RAD51B: variants seen among roughly 807,000 people sequenced by gnomAD.
RAD51B encodes DNA repair protein RAD51 homolog 2.
Under a neutral mutation model 42.2 loss-of-function variants are expected in RAD51B, and 38 were observed. The ratio of observed to expected loss-of-function variants is 0.90; its 90% CI spans 0.70 to 1.18. RAD51B has a LOEUF of 1.18. RAD51B is among the 50% of genes most tolerant of loss of function. The pLI is 0.00. For missense variants in RAD51B, 373 were observed against 400.7 expected (o/e 0.93, Z 0.59); for synonymous variants, 154 against 145.2 (o/e 1.06, Z -0.43).
chr14:68,528,166 G>C (rs1484780594), intron 10 of RAD51B, among the ~76,000 whole-genome samples: 1 of 152,138 alleles, frequency 6.6e-6, no homozygotes, highest in Admixed American at 6.5e-5. Context: ...CCTGAATGGA[G>C]CATAATCCCT....
At chr14:67,900,096 G>T (rs1566948780) in intron 7 of RAD51B, among the ~76,000 whole-genome samples, 1 of 152,156 alleles carries the variant, frequency 6.6e-6, no homozygotes, top group African/African-American at 2.4e-5. Context: ...ATTGCTGCTT[G>T]TAAGTGTAAC....
chr14:68,476,046 A>G (rs1566905365), intron 10 of RAD51B, among the ~76,000 whole-genome samples: 2 of 46,974 alleles, frequency 4.3e-5, no homozygotes, highest in South Asian at 4.5e-4. Context: ...TATAAGGCTG[A>G]AAAAAAAAAA....
At chr14:68,542,643 C>A (rs112304736) in intron 10 of RAD51B, among the ~76,000 whole-genome samples, 1 of 152,104 alleles carries the variant, frequency 6.6e-6, no homozygotes, top group African/African-American at 2.4e-5. Flanking sequence ...GTGAGGAGCC[C>A]GTTGTCAATA....
At chr14:68,477,600 A>C (rs758195336) in intron 10 of RAD51B, 48 bp from the exon 11 acceptor site, 1 of 1,580,120 alleles carries the variant, frequency 6.3e-7, no homozygotes, top group South Asian at 1.2e-5. Flanking sequence ...TGCATTTCAT[A>C]ACAATTTTTT....
At chr14:67,930,078 T>A (rs1414751566) in intron 7 of RAD51B, among the ~76,000 whole-genome samples, 1 of 152,254 alleles carries the variant, frequency 6.6e-6, no homozygotes, top group Non-Finnish European at 1.5e-5. Context: ...TGAGTCTATA[T>A]GTGTCTTCAC....
At chr14:68,447,417 C>G (rs1026682554) in intron 9 of RAD51B, among the ~76,000 whole-genome samples, 15 of 151,884 alleles carry the variant, frequency 9.9e-5, no homozygotes, top group Non-Finnish European at 2.2e-4. Flanking sequence ...CCTCTTCCAT[C>G]TTATGCATTT....
At chr14:67,935,296 G>C (rs985347112) in intron 7 of RAD51B, among the ~76,000 whole-genome samples, 6 of 152,292 alleles carry the variant, frequency 3.9e-5, no homozygotes, top group Middle Eastern at 3.4e-3. Flanking sequence ...CACTTTCAAA[G>C]ATAACCAGAA....
intron 9 of RAD51B, among the ~76,000 whole-genome samples, chr14:68,446,940 G>T (rs1397541067): frequency 6.6e-6 from 1 of 152,118 alleles, no homozygotes; most frequent in Admixed American, 6.5e-5. Context: ...TATTAAGCTG[G>T]GTGCGGTGGC....
At chr14:68,613,192 G>A (rs1367150033), downstream of RAD51B, among the ~76,000 whole-genome samples, 1 of 152,072 alleles carries the variant, frequency 6.6e-6, no homozygotes, top group Non-Finnish European at 1.5e-5. Context: ...AAGGTGGGCA[G>A]ATCACCTGAG....
At chr14:68,184,480 A>G (rs1029640130) in intron 7 of RAD51B, among the ~76,000 whole-genome samples, 1 of 151,916 alleles carries the variant, frequency 6.6e-6, no homozygotes, top group African/African-American at 2.4e-5. Context: ...CCTAAACTCA[A>G]ACAATCCACC....
At chr14:68,141,524 A>G (rs1044038961) in intron 7 of RAD51B, among the ~76,000 whole-genome samples, 3 of 152,252 alleles carry the variant, frequency 2.0e-5, no homozygotes, top group African/African-American at 7.2e-5. Flanking sequence ...AATGTCCTGC[A>G]TATAGTTAGT....
At chr14:67,990,351 C>G (rs1253605220) in intron 7 of RAD51B, among the ~76,000 whole-genome samples, 1 of 152,184 alleles carries the variant, frequency 6.6e-6, no homozygotes, top group African/African-American at 2.4e-5. Flanking sequence ...CAGGCAAAAA[C>G]AAACCAACAA....
rs749703041 is a variant in RAD51B at position 68,592,250 on chromosome 14, ATGATG to A, written c.1037-2232_1037-2228del. ...GCAGGGAGGTACAAAGGGGTAGGCA[ATGATG>A]TGTGTGTGTGTGTGTGTGTGTGTGT... On this transcript the variant is annotated intron_variant, in intron 10 of 10. Coordinates refer to the RAD51B transcript ENST00000487270. 2.3e-3 allele frequency among the ~76,000 whole-genome samples: 316 copies of A among 140,050 alleles called. 2 individuals carry two copies. The highest frequency in any genetic ancestry group is 8.5e-3 in the African/African-American group (297 of 35,034). 91.9% of individuals were successfully genotyped at this position (140,050 alleles called of 152,430 possible).
At chr14:68,571,669 G>C (rs1889708971) in intron 10 of RAD51B, among the ~76,000 whole-genome samples, 1 of 152,150 alleles carries the variant, frequency 6.6e-6, no homozygotes, top group Non-Finnish European at 1.5e-5. Flanking sequence ...TTCCTGTCAG[G>C]GAACATGTTT....
chr14:68,137,409 A>G (rs1391818672), intron 7 of RAD51B, among the ~76,000 whole-genome samples: 2 of 152,212 alleles, frequency 1.3e-5, no homozygotes, highest in Admixed American at 6.5e-5. Flanking sequence ...TTATTATTTT[A>G]TAGTTCTTGA....
chr14:68,338,190 A>G (rs1024450362), intron 8 of RAD51B, among the ~76,000 whole-genome samples: 1 of 152,212 alleles, frequency 6.6e-6, no homozygotes, highest in Non-Finnish European at 1.5e-5. Context: ...ATAACCCAAC[A>G]GCATGAAATA....
At chr14:68,261,283 G>A (rs986607264) in intron 7 of RAD51B, among the ~76,000 whole-genome samples, 1 of 152,250 alleles carries the variant, frequency 6.6e-6, no homozygotes, top group African/African-American at 2.4e-5. Flanking sequence ...AAAGAGATCT[G>A]TGTGAAAGAA....
chr14:67,825,558 G>A lies in RAD51B; in HGVS notation c.179G>A (p.Cys60Tyr). 6.2e-7 allele frequency: 1 copy of A among 1,608,080 alleles called. No individual in the cohort carries two copies. Among genetic ancestry groups the A allele is most frequent in the South Asian group, 1.1e-5 (1 of 90,308 alleles). ...HELLCMVSRA[C>Y]APKMQTAYGI... ...CTTCTATGTATGGTCAGCAGGGCCT[G>A]TGCCCCAAAGATGCAAACGGTATAT... Residue 60 changes from cysteine (C) to tyrosine (Y), a missense_variant, in exon 3 of 11, where the codon TGT becomes TAT. Cys to Tyr is a radical substitution (Grantham distance 194, BLOSUM62 -2). Transcript: ENST00000471583.
At chr14:67,823,422 T>G in intron 1 of RAD51B, 120 bp from the exon 2 acceptor site, 2 of 683,378 alleles carry the variant, frequency 2.9e-6, no homozygotes, top group Non-Finnish European at 2.4e-6. Context: ...ATATGTTTCA[T>G]TTTGCATATG....
Sources: gnomAD v4.1 joint callset for allele counts (sites outside exome capture counted in the v4.1 genomes callset) on GRCh38, gnomAD v4.1.1 for gene constraint, MANE v1.5 for transcripts, NCBI Gene and HGNC (gene_info 2026-07-23, HGNC 2026-07-21) for gene names.